CHD8: variants seen among roughly 807,000 people sequenced by gnomAD.
CHD8 encodes chromodomain helicase DNA binding protein 8.
Under a neutral mutation model 279.2 loss-of-function variants are expected in CHD8, and 31 were observed. That is an observed-to-expected ratio of 0.11 (90% CI 0.08 to 0.15). The LOEUF is 0.15. Among genes scored for constraint, CHD8 ranks in the 10% least tolerant of loss-of-function variants. CHD8 has a pLI of 1.00. For missense variants in CHD8, 2,146 were observed against 3,230.5 expected (o/e 0.66, Z 8.14); for synonymous variants, 1,081 against 1,139.6 (o/e 0.95, Z 1.04).
chr14:21,406,203 T>C (rs555734084), intron 14 of CHD8, among the ~76,000 whole-genome samples: 23 of 152,350 alleles, frequency 1.5e-4, no homozygotes, highest in African/African-American at 5.5e-4. Context: ...CTGTCCTCTA[T>C]GGAATGTAAC....
rs1402388816 is a variant in CHD8 at position 21,391,598 on chromosome 14, G to A, written c.6930C>T (p.Asp2310=). 9 of 1,610,794 alleles carry A rather than the reference G, an allele frequency of 5.6e-6. No homozygotes were observed. In the Admixed American group the frequency reaches 1.5e-4, roughly 27 times the overall value. Residue 2310 remains aspartate, a synonymous_variant, in exon 36 of 38, where the codon GAC becomes GAT. Transcript: ENST00000646647. ...TGATGACAGGGATCCGGGTCTCCAG[G>A]TCCACATCAAGGTGATTAGGCTCTT... The part of the protein sequence containing the change: ...CMEEPNHLDV[D]LETRIPVINK...
At chr14:21,414,735 T>C in intron 8 of CHD8, 1 of 620,934 alleles carries the variant, frequency 1.6e-6, no homozygotes, top group Non-Finnish European at 2.9e-6. Context: ...GGAACCACCC[T>C]CACCCCACTT....
Position 21,428,101 on chromosome 14 carries a change from T to C in CHD8, c.1369A>G (p.Lys457Glu), listed in dbSNP as rs1460744272. Reference protein sequence around the residue: ...EENRRLEHQKKQEKANRIVAE... With the variant: ...EENRRLEHQKEQEKANRIVAE... ...ACAATCCGATTTGCTTTCTCTTGCT[T>C]CTTCTGGTGTTCCAATCTGCGGTTT... The change falls in exon 4 of 38, where the codon AAG becomes GAG. Residue 457 changes from lysine (K) to glutamate (E), a missense_variant. By Grantham distance (56) the Lys-to-Glu change is moderately conservative (BLOSUM62 1). This residue lies in a region of CHD8 where 170 missense variants were observed against 189.9 expected (regional missense o/e 0.90). Coordinates refer to ENST00000646647, the MANE Select transcript of CHD8 (RefSeq NM_001170629.2). 6.2e-7 allele frequency: 1 copy of C among 1,614,016 alleles called. No individual in the cohort carries two copies. Among genetic ancestry groups the C allele is most frequent in the Non-Finnish European group, 8.5e-7 (1 of 1,179,898 alleles).
intron 1 of CHD8, among the ~76,000 whole-genome samples, chr14:21,450,180 C>T (rs758286770): frequency 6.6e-6 from 1 of 152,072 alleles, no homozygotes. Flanking sequence ...AACATCTTAC[C>T]ATTAGTGCTG....
chr14:21,405,025 T>G lies in CHD8; in HGVS notation c.3307+184A>C. ...TTTTGTATTTTTTGTAGAGGTGGGA[T>G]TTCATCATGTTGCCCAGGCTTAGAG... On this transcript the variant is annotated intron_variant, in intron 16 of 37. Transcript: ENST00000646647. This position sits in a 1 kb window ranked among gnomAD's most constrained non-coding sequence, Gnocchi z 4.2. 1 of 602,184 alleles carries G rather than the reference T, an allele frequency of 1.7e-6. No homozygotes were observed. Among genetic ancestry groups the G allele is most frequent in the Non-Finnish European group, 2.9e-6 (1 of 349,064 alleles). 37.3% of individuals were successfully genotyped at this position (602,184 alleles called of 1,614,324 possible).
rs754552862 is a variant in CHD8, at chr14:21,393,711, G to A, written c.6084C>T (p.His2028=). 5.6e-6 allele frequency: 9 copies of A among 1,613,816 alleles called. No individual in the cohort carries two copies. In the Admixed American group the frequency reaches 6.7e-5, roughly 12 times the overall value. The change falls in exon 32 of 38, where the codon CAC becomes CAT. Residue 2028 remains histidine (H), a synonymous_variant. Coordinates refer to ENST00000646647, the MANE Select transcript of CHD8 (RefSeq NM_001170629.2). ...SLESLTLKLE[H]EVVARSRPTP... is the part of the protein sequence containing the mutation. ...TTGGTCGGCTCCTGGCCACCACCTCGTGCTCTAGCTTTAAAGTCAGACTCT... is the reference window on the plus strand; with the variant it reads ...TTGGTCGGCTCCTGGCCACCACCTCATGCTCTAGCTTTAAAGTCAGACTCT...
rs1889543329 is a variant in CHD8 at position 21,431,054 on chromosome 14, C to T, written c.590G>A (p.Gly197Asp). The T allele has an allele frequency of 6.3e-7, 1 of 1,599,182 alleles. No individual in the cohort carries two copies. Among genetic ancestry groups the T allele is most frequent in the Admixed American group, 1.7e-5 (1 of 59,934 alleles). Residue 197 changes from glycine to aspartate, a missense_variant, in exon 2 of 38, where the codon GGT (glycine) becomes GAT (aspartate). By Grantham distance (94) the Gly-to-Asp change is moderately conservative (BLOSUM62 -1). Around this residue, in one of 26 missense-constraint regions of CHD8, gnomAD observed 302 missense variants for 325.5 expected, o/e 0.93. Transcript: ENST00000646647. ...AQPLVAGTAN[G>D]GKVTFTKVLT... ...CACTTTGGTAAAAGTGACTTTTCCA[C>T]CATTGGCTGTGCCTGCCACCAGGGG...
rs1435598524 is a variant in CHD8, at chr14:21,413,014, C to T, written c.2143-18G>A. On this transcript the variant is annotated intron_variant, in intron 9 of 37. Coordinates refer to ENST00000646647, the MANE Select transcript of CHD8 (RefSeq NM_001170629.2). ...TCTTCATCCTAGATGAGTTAGGAAA[C>T]CAAACAATAAGACCAAAAGATCACT... 4.0e-6 allele frequency: 6 copies of T among 1,489,048 alleles called. No homozygotes were observed. The highest frequency in any genetic ancestry group is 1.7e-4 in the Middle Eastern group (1 of 5,856). 92.2% of individuals were successfully genotyped at this position (1,489,048 alleles called of 1,614,324 possible).
rs10134108 is a variant in CHD8 at position 21,395,965 on chromosome 14, C to A, written c.5052-73G>T. The A allele has an allele frequency of 0.88, 833,707 of 949,704 alleles. 369,148 individuals are homozygous for A. The highest frequency in any genetic ancestry group is 0.91 in the Middle Eastern group (3,652 of 3,998). 58.8% of individuals were successfully genotyped at this position (949,704 alleles called of 1,614,324 possible). ...TCACTAAGGGAACCTAGGATGAAGA[C>A]CTAGCCACACATATATCCAGCATGA... On this transcript the variant is annotated intron_variant, in intron 27 of 37. Coordinates refer to ENST00000646647, the MANE Select transcript of CHD8 (RefSeq NM_001170629.2).
At chr14:21,450,209 T>C (rs1005654242) in intron 1 of CHD8, among the ~76,000 whole-genome samples, 1 of 152,216 alleles carries the variant, frequency 6.6e-6, no homozygotes, top group Non-Finnish European at 1.5e-5. Context: ...GATAGATGTA[T>C]ATCTGATAAA....
In CHD8 at chr14:21,405,318, C is replaced by T. The variant is rs1489258643; in HGVS notation, c.3198G>A (p.Glu1066=). Reference sequence around the variant, plus strand: ...CTTTGGAAAGGAAGGAGAAATTCTTCTCCAAAATAGCCCGATAGTATTTCT... The same window carrying T: ...CTTTGGAAAGGAAGGAGAAATTCTTTTCCAAAATAGCCCGATAGTATTTCT... The part of the protein sequence containing the change: ...IQKKYYRAIL[E]KNFSFLSKGA... The change falls in exon 16 of 38, where the codon GAG becomes GAA. Residue 1066 remains glutamate, a synonymous_variant. Coordinates refer to ENST00000646647, the MANE Select transcript of CHD8 (RefSeq NM_001170629.2). The surrounding 1 kb of genome is among the most constrained non-coding windows in gnomAD (Gnocchi z 4.2). 1 of 1,610,440 alleles carries T rather than the reference C, an allele frequency of 6.2e-7. No homozygotes were observed. The highest frequency in any genetic ancestry group is 8.5e-7 in the Non-Finnish European group (1 of 1,178,124).
rs762706035 is a variant in CHD8 at position 21,385,964 on chromosome 14, G to T, written c.7395C>A (p.Ala2465=). The change falls in exon 38 of 38, where the codon GCC becomes GCA. Residue 2465 remains alanine (A), a synonymous_variant. Coordinates refer to ENST00000646647, the MANE Select transcript of CHD8 (RefSeq NM_001170629.2). ...QSVSSLGHSS[A]TSASLPFMPF... is the part of the protein sequence containing the mutation. Reference sequence around the variant, plus strand: ...GCATAAAAGGCAAAGATGCAGAAGTGGCACTGCTGTGACCCAAAGATGACA... The same window carrying T: ...GCATAAAAGGCAAAGATGCAGAAGTTGCACTGCTGTGACCCAAAGATGACA... The T allele has an allele frequency of 3.2e-6, 5 of 1,564,204 alleles. No homozygotes were observed. Among genetic ancestry groups the T allele is most frequent in the East Asian group, 2.4e-5 (1 of 42,344 alleles).
intron 21 of CHD8, 125 bp from the exon 22 acceptor site, chr14:21,401,196 A>T (rs1888017946): frequency 2.2e-6 from 2 of 914,526 alleles, no homozygotes; most frequent in Non-Finnish European, 3.2e-6. Context: ...TTTTTAAATG[A>T]CATGTAAAAT....
Position 21,394,970 on chromosome 14 carries a change from G to A in CHD8, c.5332C>T (p.Arg1778Trp), listed in dbSNP as rs199830410. The A allele has an allele frequency of 6.8e-6, 11 of 1,613,980 alleles. No homozygotes were observed. Among genetic ancestry groups the A allele is most frequent in the South Asian group, 2.2e-5 (2 of 91,076 alleles). Residue 1778 changes from arginine to tryptophan, a missense_variant, in exon 30 of 38, where the codon CGG (arginine) becomes TGG (tryptophan). Physicochemically the swap from Arg to Trp is moderately radical, Grantham distance 101. Around this residue, in one of 26 missense-constraint regions of CHD8, gnomAD observed 513 missense variants for 637.6 expected, o/e 0.80. Coordinates refer to ENST00000646647, the MANE Select transcript of CHD8 (RefSeq NM_001170629.2). The part of the protein sequence containing the change: ...EAAERGDRRR[R>W]RCEAAFKLKE... ...AGCTTGAAGGCTGCTTCACAACGCC[G>A]CCTTCGCCGGTCCCCACGTTCTGCA...
Position 21,408,252 on chromosome 14 carries a change from A to T in CHD8, c.2730+60T>A. The stretch of plus-strand genomic sequence containing the variant: ...CTTCTATTCATATATAGCCCTTAAA[A>T]TACCAGGTACCTTGGCCGACTTTCT... On this transcript the variant is annotated intron_variant, in intron 13 of 37. Coordinates refer to ENST00000646647, the MANE Select transcript of CHD8 (RefSeq NM_001170629.2). This position sits in a 1 kb window ranked among gnomAD's most constrained non-coding sequence, Gnocchi z 4.3. The T allele has an allele frequency of 6.3e-7, 1 of 1,576,336 alleles. No individual in the cohort carries two copies. Among genetic ancestry groups the T allele is most frequent in the East Asian group, 2.2e-5 (1 of 44,488 alleles).
chr14:21,453,444 T>C (rs1259641344), intron 1 of CHD8, among the ~76,000 whole-genome samples: 3 of 151,802 alleles, frequency 2.0e-5, no homozygotes, highest in Non-Finnish European at 4.4e-5. Flanking sequence ...TAAAAGATCA[T>C]AGATCATGTA....
intron 1 of CHD8, among the ~76,000 whole-genome samples, chr14:21,441,673 G>A (rs1271178855): frequency 6.6e-6 from 1 of 152,102 alleles, no homozygotes; most frequent in East Asian, 1.9e-4. Flanking sequence ...CATATCACGA[G>A]GTCAGGAGAT....
intron 33 of CHD8, 95 bp from the exon 34 acceptor site, chr14:21,392,904 T>G: frequency 7.5e-7 from 1 of 1,333,174 alleles, no homozygotes; most frequent in Admixed American, 2.1e-5. Flanking sequence ...CCAGGATGGG[T>G]AAAAATCATA....
At position 21,400,734 on chromosome 14, in the gene CHD8, G is replaced by A. The variant is rs1887993912; in HGVS notation, c.4371-122C>T. 7.9e-7 allele frequency: 1 copy of A among 1,272,060 alleles called. No individual in the cohort carries two copies. The highest frequency in any genetic ancestry group is 1.1e-6 in the Non-Finnish European group (1 of 934,738). The allele number at this position is 1,272,060 out of a possible 1,614,324, so 78.8% of individuals were successfully genotyped here. A position where few individuals can be genotyped will look rare whatever the true frequency, so the allele number is the denominator to read the frequency against. ...AAAAAACATGGTAACAGAATAAACA[G>A]AACAAACTCCCTCCAAGGCAAATAT... On this transcript the variant is annotated intron_variant, in intron 22 of 37. Coordinates refer to ENST00000646647, the MANE Select transcript of CHD8 (RefSeq NM_001170629.2). The surrounding 1 kb of genome is among the most constrained non-coding windows in gnomAD (Gnocchi z 4.2).
Sources: allele counts gnomAD v4.1 joint callset (sites outside exome capture counted in the v4.1 genomes callset), GRCh38; gene constraint gnomAD v4.1.1; regional missense constraint gnomAD v4.1.1; non-coding constraint Gnocchi (gnomAD v3.1); transcripts MANE v1.5; gene names NCBI Gene and HGNC (gene_info 2026-07-23, HGNC 2026-07-21).